Variants in TTC17 observed in about 807,000 individuals in gnomAD.
TTC17 encodes the protein tetratricopeptide repeat protein 17.
A neutral mutation model predicts 143.8 loss-of-function variants in TTC17; 58 were observed. The ratio of observed to expected loss-of-function variants is 0.40; its 90% CI spans 0.33 to 0.50. TTC17 has a LOEUF of 0.50. Ranked by LOEUF, TTC17 falls within the 20% of genes least tolerant of loss-of-function variation. The pLI is 0.49. For synonymous variants in TTC17, 501 were observed against 497.8 expected, an observed-to-expected ratio of 1.01 and a Z score of -0.09; for missense variants, 1,273 against 1,392.5, an observed-to-expected ratio of 0.91 and a Z score of 1.37.
chr11:43,461,940 G>A (rs567458775), intron 21 of TTC17, among the ~76,000 whole-genome samples: 1 of 152,134 alleles, frequency 6.6e-6, no homozygotes, highest in South Asian at 2.1e-4. Flanking sequence ...GAATCATGTA[G>A]AACATTTGAT....
chr11:43,360,681 T>C (rs903980483), intron 1 of TTC17, among the ~76,000 whole-genome samples: 1 of 152,100 alleles, frequency 6.6e-6, no homozygotes, highest in African/African-American at 2.4e-5. Context: ...TGTATATACT[T>C]AACATTGCAA....
intron 2 of TTC17, among the ~76,000 whole-genome samples, chr11:43,384,035 C>G (rs1208995529): frequency 6.6e-6 from 1 of 151,722 alleles, no homozygotes; most frequent in Non-Finnish European, 1.5e-5. Context: ...GTTCTAGCTA[C>G]TGGGGAGGCT....
At chr11:43,431,527 G>T (rs1947158230) in intron 16 of TTC17, among the ~76,000 whole-genome samples, 1 of 152,206 alleles carries the variant, frequency 6.6e-6, no homozygotes, top group African/African-American at 2.4e-5. Flanking sequence ...TCATACTAGA[G>T]ATTCTGAGTT....
chr11:43,441,363 T>G (rs1389369932), intron 16 of TTC17, among the ~76,000 whole-genome samples: 1 of 152,122 alleles, frequency 6.6e-6, no homozygotes, highest in African/African-American at 2.4e-5. Context: ...AGTCCGCCTT[T>G]CTCTAAGAAG....
chr11:43,447,796 C>G (rs989125518), intron 18 of TTC17: 8 of 526,904 alleles, frequency 1.5e-5, no homozygotes, highest in Non-Finnish European at 2.3e-5. Context: ...TACTTCTCCA[C>G]CTATCTTTAC....
Position 43,443,560 on chromosome 11 carries a change from T to A in TTC17, c.2487T>A (p.Ser829Arg), listed in dbSNP as rs1323559265. Residue 829 changes from serine (S) to arginine (R), a missense_variant, in exon 17 of 24, where the codon AGT becomes AGA. By Grantham distance (110) the Ser-to-Arg change is moderately radical (BLOSUM62 -1). Coordinates refer to ENST00000039989, the MANE Select transcript of TTC17 (RefSeq NM_018259.6). Reference sequence around the variant, plus strand: ...GCTCTTGCTATGGAGACTGCAGAAGTGAAGATGATGAAGCAACAGAATGGG... The same window carrying A: ...GCTCTTGCTATGGAGACTGCAGAAGAGAAGATGATGAAGCAACAGAATGGG... ...ARSSCYGDCRSEDDEATEWIT... is the reference protein window; with the variant it reads ...ARSSCYGDCRREDDEATEWIT... 1.2e-6 allele frequency: 2 copies of A among 1,611,216 alleles called. No homozygotes were observed. The highest frequency in any genetic ancestry group is 1.7e-6 in the Non-Finnish European group (2 of 1,178,514).
rs200395867 is a variant in TTC17 at position 43,405,968 on chromosome 11, C to T, written c.1761+17C>T. 2 of 1,607,624 alleles carry T rather than the reference C, an allele frequency of 1.2e-6. No homozygotes were observed. The highest frequency in any genetic ancestry group is 2.7e-5 in the African/African-American group (2 of 74,442). ...GCACGAAAAGTAAGGCTCACTTAGG[C>T]TGGTATTTATTGCCGTCCATTCTGG... On this transcript the variant is annotated intron_variant, in intron 13 of 23. Coordinates refer to ENST00000039989, the MANE Select transcript of TTC17 (RefSeq NM_018259.6).
intron 21 of TTC17, among the ~76,000 whole-genome samples, chr11:43,477,595 T>C (rs1307216172): frequency 6.6e-6 from 1 of 152,168 alleles, no homozygotes; most frequent in Non-Finnish European, 1.5e-5. Flanking sequence ...CCATCAGATC[T>C]CATGAGACTT....
intron 1 of TTC17, chr11:43,378,878 C>A: frequency 4.8e-6 from 1 of 208,942 alleles, no homozygotes. Flanking sequence ...ATGAAATGTG[C>A]TATCAAAACA....
chr11:43,451,897 G>A (rs1242041416), intron 21 of TTC17, among the ~76,000 whole-genome samples: 2 of 152,042 alleles, frequency 1.3e-5, no homozygotes, highest in Non-Finnish European at 2.9e-5. Context: ...GTATGAATGC[G>A]ACACTGTGAG....
At position 43,494,315 on chromosome 11, in the gene TTC17, G is replaced by A; in HGVS notation, c.*411G>A. ...TCCTGTCGTAGCCTCTGTTGTCAAT[G>A]GAAATGCGGAAGCCCATCTGGTGCC... On this transcript the variant is annotated 3_prime_UTR_variant, in exon 24 of 24. Transcript: ENST00000039989. 1 of 160,048 alleles carries A rather than the reference G, an allele frequency of 6.2e-6. No homozygotes were observed. The highest frequency in any genetic ancestry group is 5.8e-5 in the Admixed American group (1 of 17,208). The allele number at this position is 160,048 out of a possible 1,614,324, so 9.9% of individuals were successfully genotyped here.
intron 21 of TTC17, among the ~76,000 whole-genome samples, chr11:43,478,372 A>G (rs991771032): frequency 6.6e-6 from 1 of 152,212 alleles, no homozygotes; most frequent in South Asian, 2.1e-4. Context: ...ACTTGATGAT[A>G]TTAAAGAATC....
At chr11:43,380,096 G>A (rs1422272105) in intron 2 of TTC17, among the ~76,000 whole-genome samples, 1 of 152,104 alleles carries the variant, frequency 6.6e-6, no homozygotes, top group African/African-American at 2.4e-5. Flanking sequence ...GAGTATTTGA[G>A]AATTAGAAGG....
chr11:43,429,154 T>C (rs1382996924), intron 16 of TTC17, among the ~76,000 whole-genome samples: 5 of 152,236 alleles, frequency 3.3e-5, no homozygotes, highest in African/African-American at 1.2e-4. Flanking sequence ...ATTCAGGTTC[T>C]GTATGCTTAT....
chr11:43,377,319 C>T (rs1348250766), intron 1 of TTC17, among the ~76,000 whole-genome samples: 1 of 151,958 alleles, frequency 6.6e-6, no homozygotes, highest in Non-Finnish European at 1.5e-5. Context: ...ATTATAATCT[C>T]ATGGGAGCAC....
chr11:43,395,736 A>G (rs1033709413), intron 5 of TTC17, among the ~76,000 whole-genome samples: 1 of 152,246 alleles, frequency 6.6e-6, no homozygotes, highest in African/African-American at 2.4e-5. Context: ...GTTTAACTAA[A>G]TTCAAACTAT....
intron 21 of TTC17, among the ~76,000 whole-genome samples, chr11:43,479,070 C>A (rs1255980973): frequency 1.3e-5 from 2 of 152,208 alleles, no homozygotes; most frequent in South Asian, 2.1e-4. Flanking sequence ...GAAACCCTGT[C>A]TCTACTAAGA....
At chr11:43,384,321 A>G (rs1044310912) in intron 2 of TTC17, among the ~76,000 whole-genome samples, 1 of 152,180 alleles carries the variant, frequency 6.6e-6, no homozygotes, top group Non-Finnish European at 1.5e-5. Context: ...GGGGCTATAT[A>G]TGTATTTAGG....
chr11:43,486,248 A>G (rs1948379351), intron 21 of TTC17, among the ~76,000 whole-genome samples: 1 of 152,158 alleles, frequency 6.6e-6, no homozygotes. Flanking sequence ...TTCCAAAAAT[A>G]AATATAAGTT....
Sources: allele counts gnomAD v4.1 joint callset (sites outside exome capture counted in the v4.1 genomes callset), GRCh38; gene constraint gnomAD v4.1.1; transcripts MANE v1.5; gene names NCBI Gene and HGNC (gene_info 2026-07-23, HGNC 2026-07-21).